The following DMD variants were observed in gnomAD, a reference collection of about 807,000 sequenced individuals.
DMD encodes the protein mutant dystrophin.
Under a neutral mutation model 330.1 loss-of-function variants are expected in DMD, and 63 were observed. The ratio of observed to expected loss-of-function variants is 0.19; its 90% CI spans 0.16 to 0.24. The LOEUF (loss-of-function observed/expected upper bound fraction) is 0.24, where lower values mean the gene tolerates loss of function less well. Ranked by LOEUF, DMD falls within the 10% of genes least tolerant of loss-of-function variation. The pLI, the probability that DMD is intolerant of heterozygous loss-of-function variation, is 1.00. For missense variants in DMD, 3,344 were observed against 2,684.1 expected (o/e 1.25, Z -5.43); for synonymous variants, 1,223 against 959.8 (o/e 1.27, Z -5.07).
chrX:32,729,709 AG>A (rs2067309032), intron 7 of DMD, among the ~76,000 whole-genome samples: 1 of 111,567 alleles, frequency 9.0e-6, no homozygotes, highest in Admixed American at 9.6e-5. Context: ...ATGTCTCTTA[AG>A]GAGCTTTTTA....
At chrX:31,422,006 TATATATATATAAACACACACAC>T (rs1424378862) in intron 60 of DMD, among the ~76,000 whole-genome samples, 2,002 of 80,352 alleles carry the variant, frequency 0.025, 146 homozygotes, top group African/African-American at 0.11. Flanking sequence ...CACACACATA[TATATATATATAAACACACACAC>T]ATATATATAT....
intron 30 of DMD, among the ~76,000 whole-genome samples, chrX:32,410,125 C>T (rs2098135725): frequency 9.0e-6 from 1 of 111,203 alleles, no homozygotes; most frequent in Non-Finnish European, 1.9e-5. Context: ...ACCTATCACA[C>T]TTACCCTCTA....
At chrX:31,364,502 T>C (rs2059125926) in intron 60 of DMD, among the ~76,000 whole-genome samples, 2 of 112,028 alleles carry the variant, frequency 1.8e-5, no homozygotes, top group African/African-American at 6.5e-5. Flanking sequence ...GAGTTTTCTG[T>C]CACTTACAGC....
chrX:32,164,423 G>T (rs762082860), intron 44 of DMD, among the ~76,000 whole-genome samples: 5 of 111,415 alleles, frequency 4.5e-5, no homozygotes, highest in South Asian at 3.8e-4. Flanking sequence ...GGTAACTGGA[G>T]TAAAGGTCAT....
At chrX:31,822,653 G>GGTGGGTGTGT (rs1556919108) in intron 49 of DMD, among the ~76,000 whole-genome samples, 2 of 65,806 alleles carry the variant, frequency 3.0e-5, no homozygotes, top group Non-Finnish European at 5.3e-5. Flanking sequence ...AAGGCAGAGG[G>GGTGGGTGTGT]GTGTGTGTGT....
intron 44 of DMD, among the ~76,000 whole-genome samples, chrX:32,125,503 T>C (rs990623241): frequency 7.2e-5 from 8 of 111,552 alleles, no homozygotes; most frequent in African/African-American, 2.6e-4. Flanking sequence ...TAAGTGGAGA[T>C]GTCAATTAGG....
chrX:33,273,768 A>G (rs2053195220), intron 1 of DMD, among the ~76,000 whole-genome samples: 1 of 112,665 alleles, frequency 8.9e-6, no homozygotes, highest in African/African-American at 3.2e-5. Flanking sequence ...TCAGTTATGC[A>G]TAATGTGAAG....
At chrX:32,641,442 C>A in intron 11 of DMD, 1 of 122,294 alleles carries the variant, frequency 8.2e-6, no homozygotes, top group African/African-American at 3.6e-5. Flanking sequence ...ATATATCTCA[C>A]AATGACTATA....
rs188297032 is a variant in DMD at position 33,121,280 on chromosome X, G to C, written c.31+90002C>G. Among the ~76,000 whole-genome samples the C allele has an allele frequency of 4.0e-3, 430 of 107,289 alleles. 3 individuals carry two copies. Among genetic ancestry groups the C allele is most frequent in the African/African-American group, 0.014 (415 of 29,197 alleles). The allele number at this position is 107,289 out of a possible 115,157, so 93.2% of individuals were successfully genotyped here. A position where few individuals can be genotyped will look rare whatever the true frequency, so the allele number is the denominator to read the frequency against. On this transcript the variant is annotated intron_variant, in intron 1 of 78. Coordinates refer to ENST00000357033, the MANE Select transcript of DMD (RefSeq NM_004006.3). ...GAGTCTTCCTCTGTCTCTCAGGCTGGAGTGCAGTGGCACTATCTTGGCTCA... is the reference window on the plus strand; with the variant it reads ...GAGTCTTCCTCTGTCTCTCAGGCTGCAGTGCAGTGGCACTATCTTGGCTCA...
chrX:31,421,565 A>T (rs1026005284), intron 60 of DMD, among the ~76,000 whole-genome samples: 5 of 111,579 alleles, frequency 4.5e-5, no homozygotes, highest in Admixed American at 9.6e-5. Context: ...AGATTTCATC[A>T]GAAAATAATC....
intron 1 of DMD, among the ~76,000 whole-genome samples, chrX:33,040,907 G>A (rs2094288778): frequency 9.0e-6 from 1 of 111,226 alleles, no homozygotes; most frequent in African/African-American, 3.3e-5. Context: ...TAACAGACAA[G>A]GACTTTAAAA....
intron 44 of DMD, among the ~76,000 whole-genome samples, chrX:32,080,213 A>G (rs1729933571): frequency 1.8e-5 from 2 of 112,357 alleles, no homozygotes; most frequent in African/African-American, 6.5e-5. Flanking sequence ...TTTATCTAAT[A>G]ATGGACTTTG....
At chrX:32,719,439 A>C (rs1017627778) in intron 7 of DMD, among the ~76,000 whole-genome samples, 7 of 111,785 alleles carry the variant, frequency 6.3e-5, no homozygotes, top group African/African-American at 2.3e-4. Context: ...TGAAATTTTC[A>C]GTAAAGTATA....
chrX:32,609,802 A>G (rs1315637887), intron 12 of DMD, among the ~76,000 whole-genome samples: 3 of 111,017 alleles, frequency 2.7e-5, no homozygotes. Flanking sequence ...ATATATTCAC[A>G]TCGGCAAATT....
At chrX:31,872,230 C>T (rs2093903413) in intron 48 of DMD, among the ~76,000 whole-genome samples, 1 of 110,837 alleles carries the variant, frequency 9.0e-6, no homozygotes, top group Admixed American at 9.6e-5. Flanking sequence ...AAGCAGCTCC[C>T]TCTCCCCTCA....
intron 52 of DMD, among the ~76,000 whole-genome samples, chrX:31,726,930 T>C (rs1478386530): frequency 9.0e-6 from 1 of 111,658 alleles, no homozygotes; most frequent in Non-Finnish European, 1.9e-5. Context: ...AAAGAAGAAC[T>C]ATTCAAATCA....
rs1196257659 is a variant in DMD at position 31,215,027 on chromosome X, C to T, written c.9362-5328G>A. ...CGCGATCTCGGCTCGCTGCAAGCTC[C>T]GCCTCCCAGGTTCACGCCATTCTCC... On this transcript the variant is annotated intron_variant, in intron 64 of 78. Coordinates refer to ENST00000357033, the MANE Select transcript of DMD (RefSeq NM_004006.3). Among the ~76,000 whole-genome samples the T allele has an allele frequency of 1.1e-4, 11 of 97,373 alleles. No individual in the cohort carries two copies. In the East Asian group the frequency reaches 2.0e-3, roughly 18 times the overall value. 84.6% of individuals were successfully genotyped at this position (97,373 alleles called of 115,157 possible). A position where few individuals can be genotyped will look rare whatever the true frequency, so the allele number is the denominator to read the frequency against.
At chrX:33,141,300 A>G (rs1406620093) in intron 1 of DMD, among the ~76,000 whole-genome samples, 1 of 111,197 alleles carries the variant, frequency 9.0e-6, no homozygotes, top group Non-Finnish European at 1.9e-5. Context: ...GGCCTGCTGG[A>G]GTCAGGAATA....
chrX:31,347,539 A>G (rs1307780163), intron 61 of DMD, among the ~76,000 whole-genome samples: 1 of 112,211 alleles, frequency 8.9e-6, no homozygotes, highest in Non-Finnish European at 1.9e-5. Context: ...AATGACCTCC[A>G]GTTCCATCCA....
Sources: allele counts gnomAD v4.1 joint callset (sites outside exome capture counted in the v4.1 genomes callset), GRCh38; gene constraint gnomAD v4.1.1; transcripts MANE v1.5; gene names NCBI Gene and HGNC (gene_info 2026-07-23, HGNC 2026-07-21).